The following OBI1 variants were observed in gnomAD, a reference collection of about 807,000 sequenced individuals.
OBI1 encodes the protein ORC ubiquitin ligase 1, also known as ring finger protein 219.
In OBI1, 59 loss-of-function variants were observed where a neutral mutation model predicts 62.4. That is an observed-to-expected ratio of 0.95 (90% CI 0.77 to 1.17). OBI1 has a LOEUF of 1.17. Among genes scored for constraint, OBI1 ranks in the 50% most tolerant of loss-of-function variants. OBI1 has a pLI of 0.00. For synonymous variants in OBI1, 302 were observed against 292.8 expected (o/e 1.03, Z -0.32); for missense variants, 875 against 830.9 (o/e 1.05, Z -0.65).
chr13:78,616,156 A>T lies in OBI1; in HGVS notation c.1605T>A (p.Leu535=). ...SSEASMDAAY[L]DKISELDSMM... The stretch of plus-strand genomic sequence containing the variant: ...TTGAATCCAACTCAGAGATTTTGTC[A>T]AGGTAAGCAGCATCCATCGATGCTT... Residue 535 remains leucine (L), a synonymous_variant, in exon 6 of 6, where the codon CTT becomes CTA. Coordinates refer to ENST00000282003, the MANE Select transcript of OBI1 (RefSeq NM_024546.4). 1.2e-6 allele frequency: 2 copies of T among 1,614,140 alleles called. No homozygotes were observed.
At chr13:78,635,922 C>A (rs1448459666) in intron 4 of OBI1, among the ~76,000 whole-genome samples, 1 of 152,002 alleles carries the variant, frequency 6.6e-6, no homozygotes, top group Non-Finnish European at 1.5e-5. Flanking sequence ...GCCACCATGC[C>A]CAGCTAATTT....
At position 78,621,765 on chromosome 13, in the gene OBI1, G is replaced by C. The variant is rs568195216; in HGVS notation, c.639-4643C>G. 6.6e-5 allele frequency among the ~76,000 whole-genome samples: 10 copies of C among 152,300 alleles called. No homozygotes were observed. The East Asian group carries it at 1.2e-3, about 18-fold the overall frequency. On this transcript the variant is annotated intron_variant, in intron 5 of 5. Coordinates refer to ENST00000282003, the MANE Select transcript of OBI1 (RefSeq NM_024546.4). ...GTGGTGAAAAGGATGAAGATGTCTA[G>C]AGAAAATGACAGGCTGACAAAACAC...
chr13:78,642,139 G>C lies in OBI1; in HGVS notation c.283C>G (p.Leu95Val). 1 of 1,595,486 alleles carries C rather than the reference G, an allele frequency of 6.3e-7. No individual in the cohort carries two copies. Among genetic ancestry groups the C allele is most frequent in the Non-Finnish European group, 8.6e-7 (1 of 1,163,644 alleles). ...CTGTTTACCTCATATTCTTTGTGTA[G>C]TAATTCAAGTCTAGTTTTCCGAAGA... ...KHLRKTRLEL[L>V]HKEYEDEIDC... Residue 95 changes from leucine to valine, a missense_variant, in exon 3 of 6, where the codon CTA (leucine) becomes GTA (valine). Coordinates refer to ENST00000282003, the MANE Select transcript of OBI1 (RefSeq NM_024546.4).
At position 78,615,537 on chromosome 13, in the gene OBI1, A is replaced by G. The variant is rs185185938; in HGVS notation, c.*43T>C. 4,221 of 1,423,748 alleles carry G rather than the reference A, an allele frequency of 3.0e-3. 36 individuals carry two copies. Among genetic ancestry groups the G allele is most frequent in the Non-Finnish European group, 2.8e-3 (2,960 of 1,047,888 alleles). The allele number at this position is 1,423,748 out of a possible 1,614,324, so 88.2% of individuals were successfully genotyped here. A position where few individuals can be genotyped will look rare whatever the true frequency, so the allele number is the denominator to read the frequency against. ...AAAAGGTAACTTTAACAACTTTTCT[A>G]TTTCTCTCAGGACAAAACCACAAAT... On this transcript the variant is annotated 3_prime_UTR_variant, in exon 6 of 6. Coordinates refer to ENST00000282003, the MANE Select transcript of OBI1 (RefSeq NM_024546.4).
chr13:78,648,913 CA>C (rs11385544), intron 1 of OBI1, among the ~76,000 whole-genome samples: 12,573 of 125,590 alleles, frequency 0.1, 536 homozygotes, highest in South Asian at 0.16. Flanking sequence ...AATGCCATCT[CA>C]AAAAAAAAAA....
At position 78,638,957 on chromosome 13, in the gene OBI1, T is replaced by C. The variant is rs755549937; in HGVS notation, c.415A>G (p.Asn139Asp). Reference sequence around the variant, plus strand: ...TCTGTGACTAGATGTTTGTCTTCATTTTGGTTGCCCTGCACCAAGGTTAAA... The same window carrying C: ...TCTGTGACTAGATGTTTGTCTTCATCTTGGTTGCCCTGCACCAAGGTTAAA... ...DPLTLVQGNQ[N>D]EDKHLVTDNP... Residue 139 changes from asparagine (N) to aspartate (D), a missense_variant, in exon 4 of 6, where the codon AAT (asparagine) becomes GAT (aspartate). Asn to Asp is a conservative substitution (Grantham distance 23, BLOSUM62 1). Coordinates refer to ENST00000282003, the MANE Select transcript of OBI1 (RefSeq NM_024546.4). 6.2e-7 allele frequency: 1 copy of C among 1,614,042 alleles called. No homozygotes were observed. Among genetic ancestry groups the C allele is most frequent in the South Asian group, 1.1e-5 (1 of 91,080 alleles).
intron 1 of OBI1, among the ~76,000 whole-genome samples, chr13:78,655,051 T>C (rs1015411232): frequency 2.6e-5 from 4 of 152,256 alleles, no homozygotes; most frequent in African/African-American, 4.8e-5. Context: ...AAAGCATTAG[T>C]TGCTTTGCAT....
chr13:78,616,986 T>A lies in OBI1; in HGVS notation c.775A>T (p.Asn259Tyr), dbSNP rs1875323518. ...ELESQVAQLK[N>Y]SSEEKEAMNS... The stretch of plus-strand genomic sequence containing the variant: ...ATAGCTTCTTTCTCTTCACTTGAAT[T>A]TTTTAGCTGTGCAACTTGAGATTCT... Residue 259 changes from asparagine to tyrosine, a missense_variant, in exon 6 of 6, where the codon AAT (asparagine) becomes TAT (tyrosine). Coordinates refer to ENST00000282003, the MANE Select transcript of OBI1 (RefSeq NM_024546.4). The A allele has an allele frequency of 6.2e-7, 1 of 1,614,208 alleles. No individual in the cohort carries two copies. Among genetic ancestry groups the A allele is most frequent in the South Asian group, 1.1e-5 (1 of 91,086 alleles).
At chr13:78,638,004 T>C (rs1441159630) in intron 4 of OBI1, among the ~76,000 whole-genome samples, 1 of 152,210 alleles carries the variant, frequency 6.6e-6, no homozygotes, top group South Asian at 2.1e-4. Context: ...CACACAGGAA[T>C]AGTATTTTAA....
Position 78,617,060 on chromosome 13 carries a change from T to C in OBI1, c.701A>G (p.Asn234Ser), listed in dbSNP as rs143101102. The change falls in exon 6 of 6, where the codon AAT (asparagine) becomes AGT (serine). Residue 234 changes from asparagine to serine, a missense_variant. Transcript: ENST00000282003. ...TCGTTCCAGGGCTTTCTTGAGGCGA[T>C]TGGTTTCACGCTCATACTGTTCTAC... ...SKVEQYERET[N>S]RLKKALERSD... 2.6e-4 allele frequency: 425 copies of C among 1,611,616 alleles called. No individual in the cohort carries two copies. The African/African-American group carries it at 4.4e-3, about 17-fold the overall frequency.
rs1593782527 is a variant in OBI1, at chr13:78,616,376, G to A, written c.1385C>T (p.Pro462Leu). The part of the protein sequence containing the change: ...NEKKSECFSS[P>L]KTGFWDCCST... ...ACAACAGTCCCAAAATCCTGTCTTT[G>A]GGGAAGAAAAACATTCTGATTTCTT... The change falls in exon 6 of 6, where the codon CCA (proline) becomes CTA (leucine). Residue 462 changes from proline (P) to leucine (L), a missense_variant. Physicochemically the swap from Pro to Leu is moderately conservative, Grantham distance 98. Transcript: ENST00000282003. The A allele has an allele frequency of 6.2e-7, 1 of 1,613,362 alleles. No homozygotes were observed. Among genetic ancestry groups the A allele is most frequent in the Non-Finnish European group, 8.5e-7 (1 of 1,179,660 alleles).
In OBI1 at chr13:78,642,221, G is replaced by GAAA; in HGVS notation, c.209-11_209-9dup. 3.2e-6 allele frequency: 4 copies of GAAA among 1,236,702 alleles called. No individual in the cohort carries two copies. The highest frequency in any genetic ancestry group is 1.6e-5 in the African/African-American group (1 of 63,068). 76.6% of individuals were successfully genotyped at this position (1,236,702 alleles called of 1,614,324 possible). A position where few individuals can be genotyped will look rare whatever the true frequency, so the allele number is the denominator to read the frequency against. On this transcript the variant is annotated splice_polypyrimidine_tract_variant and intron_variant, in intron 2 of 5. Transcript: ENST00000282003. ...CACTTTCACTTGTTCCTCCTGTAGGGAAAAAAAAAAAAATCCTAATTTTTC... is the reference window on the plus strand; with the variant it reads ...CACTTTCACTTGTTCCTCCTGTAGGGAAAAAAAAAAAAAAAATCCTAATTTTTC...
chr13:78,629,016 A>T (rs1412392711), intron 5 of OBI1, among the ~76,000 whole-genome samples: 1 of 152,306 alleles, frequency 6.6e-6, no homozygotes, highest in African/African-American at 2.4e-5. Flanking sequence ...CTCAAAAAAT[A>T]CAAATAGAGC....
At chr13:78,631,066 C>T (rs1875833003) in intron 5 of OBI1, among the ~76,000 whole-genome samples, 1 of 152,130 alleles carries the variant, frequency 6.6e-6, no homozygotes. Context: ...AGCACCCTCC[C>T]TCAATGACTT....
intron 5 of OBI1, among the ~76,000 whole-genome samples, chr13:78,621,664 C>T (rs1593786094): frequency 6.6e-6 from 1 of 152,208 alleles, no homozygotes; most frequent in Non-Finnish European, 1.5e-5. Flanking sequence ...ACAACAATGT[C>T]AGTCCATTCA....
At chr13:78,643,501 A>G (rs916262032) in intron 2 of OBI1, among the ~76,000 whole-genome samples, 3 of 152,068 alleles carry the variant, frequency 2.0e-5, no homozygotes, top group Non-Finnish European at 4.4e-5. Context: ...CTTTGTAAAA[A>G]TCTTGGCTGG....
At chr13:78,642,021 T>C in intron 3 of OBI1, 101 bp downstream of exon 3, 1 of 501,088 alleles carries the variant, frequency 2.0e-6, no homozygotes, top group South Asian at 4.5e-5. Flanking sequence ...TAAAATAAAA[T>C]TTCATTGGAT....
chr13:78,656,861 G>C (rs1040877188), intron 1 of OBI1, among the ~76,000 whole-genome samples: 2 of 139,018 alleles, frequency 1.4e-5, no homozygotes, highest in East Asian at 2.2e-4. Context: ...GCAATGGCGC[G>C]ATCTCAGCTC....
intron 1 of OBI1, among the ~76,000 whole-genome samples, chr13:78,651,408 C>T (rs1218080625): frequency 6.6e-6 from 1 of 152,164 alleles, no homozygotes; most frequent in Non-Finnish European, 1.5e-5. Context: ...CTTCAAAGAA[C>T]ATAATCTAAT....
Sources: gnomAD v4.1 joint callset for allele counts (sites outside exome capture counted in the v4.1 genomes callset) on GRCh38, gnomAD v4.1.1 for gene constraint, MANE v1.5 for transcripts, NCBI Gene and HGNC (gene_info 2026-07-23, HGNC 2026-07-21) for gene names.